PRKCQ: variants seen among roughly 807,000 people sequenced by gnomAD.
PRKCQ encodes protein kinase C theta.
Under a neutral mutation model 91.2 loss-of-function variants are expected in PRKCQ, and 41 were observed. That is an observed-to-expected ratio of 0.45 (90% CI 0.35 to 0.58). The LOEUF (loss-of-function observed/expected upper bound fraction) is 0.58, where lower values mean the gene tolerates loss of function less well. PRKCQ is among the 20% of genes least tolerant of loss of function. The probability of loss-of-function intolerance (pLI) is 0.00; values close to 1 mark genes in which losing one functional copy is unlikely to be tolerated. For missense variants in PRKCQ, 673 were observed against 896.5 expected, an observed-to-expected ratio of 0.75 and a Z score of 3.18; for synonymous variants, 307 against 316.9, an observed-to-expected ratio of 0.97 and a Z score of 0.33.
chr10:6,456,910 G>C, intron 14 of PRKCQ, 98 bp from the exon 15 acceptor site: 1 of 1,308,104 alleles, frequency 7.6e-7, no homozygotes, highest in South Asian at 1.3e-5. Flanking sequence ...ATTGCAGCCT[G>C]AGAGGGGCTC....
At chr10:6,568,142 A>C (rs1323308473) in intron 1 of PRKCQ, among the ~76,000 whole-genome samples, 1 of 151,996 alleles carries the variant, frequency 6.6e-6, no homozygotes. Flanking sequence ...GGTGAGGCGA[A>C]GGGCGGAGGT....
chr10:6,577,428 T>G (rs537372956), intron 1 of PRKCQ, among the ~76,000 whole-genome samples: 1 of 152,226 alleles, frequency 6.6e-6, no homozygotes, highest in African/African-American at 2.4e-5. Flanking sequence ...GCTGAACACA[T>G]AGCTGCTTAG....
Position 6,442,091 on chromosome 10 carries a change from C to A in PRKCQ, c.1648-10G>T, listed in dbSNP as rs972595916. 6.2e-7 allele frequency: 1 copy of A among 1,604,556 alleles called. No individual in the cohort carries two copies. Among genetic ancestry groups the A allele is most frequent in the African/African-American group, 1.3e-5 (1 of 74,774 alleles). ...TCTGACCCAGCAAGATCTGCACAACCAAAAGGCAGACAGGAAATTAACAGG... is the reference window on the plus strand; with the variant it reads ...TCTGACCCAGCAAGATCTGCACAACAAAAAGGCAGACAGGAAATTAACAGG... On this transcript the variant is annotated splice_polypyrimidine_tract_variant and intron_variant, in intron 15 of 17. Transcript: ENST00000263125.
chr10:6,507,908 C>T (rs578236021), intron 3 of PRKCQ, among the ~76,000 whole-genome samples: 3 of 152,300 alleles, frequency 2.0e-5, no homozygotes, highest in East Asian at 3.9e-4. Flanking sequence ...AAGATAAATC[C>T]TGCCTCTTTG....
the PRKCQ span, among the ~76,000 whole-genome samples, chr10:6,399,696 A>T: frequency 2.6e-5 from 4 of 152,140 alleles, no homozygotes; most frequent in East Asian, 7.7e-4. Flanking sequence ...CAAGCAATTT[A>T]GACTTTCAGG....
chr10:6,462,155 A>C, intron 14 of PRKCQ, 148 bp downstream of exon 14: 2 of 707,184 alleles, frequency 2.8e-6, no homozygotes, highest in South Asian at 3.5e-5. Flanking sequence ...GTCATCATCC[A>C]TGTAATCATT....
At chr10:6,569,270 T>C (rs1421636173) in intron 1 of PRKCQ, among the ~76,000 whole-genome samples, 1 of 151,890 alleles carries the variant, frequency 6.6e-6, no homozygotes, top group Non-Finnish European at 1.5e-5. Context: ...CAAGTCCTGA[T>C]GTGGAGGATC....
In PRKCQ at chr10:6,442,230, A is replaced by T. The variant is rs922963946; in HGVS notation, c.1648-149T>A. ...CTGAAACCCATCTCTTGGGAAGCCA[A>T]TGACTGGAGAGCAGTGTCTAAACAA... On this transcript the variant is annotated intron_variant, in intron 15 of 17. Coordinates refer to ENST00000263125, the MANE Select transcript of PRKCQ (RefSeq NM_006257.5). 3 of 742,622 alleles carry T rather than the reference A, an allele frequency of 4.0e-6. No individual in the cohort carries two copies. In the African/African-American group the frequency reaches 5.3e-5, roughly 13 times the overall value. The allele number at this position is 742,622 out of a possible 1,614,324, so 46.0% of individuals were successfully genotyped here. A position where few individuals can be genotyped will look rare whatever the true frequency, so the allele number is the denominator to read the frequency against.
chr10:6,411,998 A>C, the PRKCQ span, among the ~76,000 whole-genome samples: 1 of 152,216 alleles, frequency 6.6e-6, no homozygotes, highest in Non-Finnish European at 1.5e-5. Flanking sequence ...TACTCCCTCA[A>C]GTTTATTCAG....
chr10:6,552,915 T>C (rs763112014), intron 1 of PRKCQ, among the ~76,000 whole-genome samples: 71 of 152,080 alleles, frequency 4.7e-4, no homozygotes, highest in African/African-American at 1.7e-3. Context: ...TTAAAAATAA[T>C]GAAAACCTAT....
intron 16 of PRKCQ, among the ~76,000 whole-genome samples, chr10:6,440,994 A>G (rs1345820664): frequency 6.6e-6 from 1 of 152,132 alleles, no homozygotes; most frequent in Non-Finnish European, 1.5e-5. Context: ...TCAAAAAAGA[A>G]AAAAGTTATG....
the PRKCQ span, among the ~76,000 whole-genome samples, chr10:6,400,062 G>C: frequency 6.6e-6 from 1 of 152,328 alleles, no homozygotes; most frequent in East Asian, 1.9e-4. Context: ...GAAAGAGAAG[G>C]CAGAGTCCAG....
At chr10:6,484,217 C>T (rs1305213455) in intron 10 of PRKCQ, among the ~76,000 whole-genome samples, 2 of 152,266 alleles carry the variant, frequency 1.3e-5, no homozygotes, top group African/African-American at 4.8e-5. Context: ...CATTTGAGGC[C>T]AGCCTGGGCG....
At chr10:6,439,721 T>G (rs1427180039) in intron 16 of PRKCQ, among the ~76,000 whole-genome samples, 1 of 152,032 alleles carries the variant, frequency 6.6e-6, no homozygotes, top group Non-Finnish European at 1.5e-5. Context: ...ATTGTAAGAA[T>G]ACAGTATATC....
chr10:6,499,461 G>A (rs1837788184), intron 4 of PRKCQ, among the ~76,000 whole-genome samples: 2 of 152,212 alleles, frequency 1.3e-5, no homozygotes, highest in Admixed American at 1.3e-4. Flanking sequence ...TTGTAAGGCA[G>A]TCATGGTTAA....
intron 16 of PRKCQ, among the ~76,000 whole-genome samples, chr10:6,436,544 G>A (rs1833703472): frequency 2.0e-5 from 3 of 152,252 alleles, no homozygotes; most frequent in Non-Finnish European, 2.9e-5. Flanking sequence ...ATCTACCTGT[G>A]CTGCATCCTG....
At chr10:6,395,448 A>G in the PRKCQ span, among the ~76,000 whole-genome samples, 1 of 151,784 alleles carries the variant, frequency 6.6e-6, no homozygotes, top group Non-Finnish European at 1.5e-5. Flanking sequence ...AAATGGGGAG[A>G]AGGCTCCTGA....
chr10:6,416,814 A>G, the PRKCQ span, among the ~76,000 whole-genome samples: 3 of 152,288 alleles, frequency 2.0e-5, no homozygotes, highest in African/African-American at 7.2e-5. Flanking sequence ...TGGTTGTACT[A>G]GTTTACATTC....
Position 6,428,233 on chromosome 10 carries a change from G to C in PRKCQ, c.2095C>G (p.Pro699Ala). 6.2e-7 allele frequency: 1 copy of C among 1,614,132 alleles called. No homozygotes were observed. Among genetic ancestry groups the C allele is most frequent in the Non-Finnish European group, 8.5e-7 (1 of 1,180,038 alleles). Residue 699 changes from proline to alanine, a missense_variant, in exon 18 of 18, where the codon CCC (proline) becomes GCC (alanine). Pro to Ala is a conservative substitution (Grantham distance 27). Transcript: ENST00000263125. ...CAGGATATCAGCCGCTCCATCCCGGGGTTCATGAAGGAAAAGTTCCTGAAC... is the reference window on the plus strand; with the variant it reads ...CAGGATATCAGCCGCTCCATCCCGGCGTTCATGAAGGAAAAGTTCCTGAAC... ...NMFRNFSFMN[P>A]GMERLIS
Sources: gnomAD v4.1 joint callset for allele counts (sites outside exome capture counted in the v4.1 genomes callset) on GRCh38, gnomAD v4.1.1 for gene constraint, MANE v1.5 for transcripts, NCBI Gene and HGNC (gene_info 2026-07-23, HGNC 2026-07-21) for gene names.